DACH1: variants seen among roughly 807,000 people sequenced by gnomAD.
DACH1 encodes dachshund homolog 1.
In DACH1, 12 loss-of-function variants were observed where a neutral mutation model predicts 54.2. That is an observed-to-expected ratio of 0.22 (90% CI 0.14 to 0.36). DACH1 has a LOEUF of 0.36. DACH1 is among the 10% of genes least tolerant of loss of function. The pLI is 1.00. For missense variants in DACH1, 805 were observed against 929.8 expected, an observed-to-expected ratio of 0.87 and a Z score of 1.75; for synonymous variants, 386 against 366.2, an observed-to-expected ratio of 1.05 and a Z score of -0.62.
Position 71,740,005 on chromosome 13 carries a change from T to C in DACH1, c.849-58095A>G, listed in dbSNP as rs148979218. Reference sequence around the variant, plus strand: ...AATATAAACACAGGACTAAAATTGGTTTAAGAATTTCAAAACCATTCCTCA... The same window carrying C: ...AATATAAACACAGGACTAAAATTGGCTTAAGAATTTCAAAACCATTCCTCA... On this transcript the variant is annotated intron_variant, in intron 1 of 10. Transcript: ENST00000613252. Among the ~76,000 whole-genome samples the C allele has an allele frequency of 7.2e-5, 11 of 152,350 alleles. No individual in the cohort carries two copies. The East Asian group carries it at 1.5e-3, about 21-fold the overall frequency.
intron 1 of DACH1, among the ~76,000 whole-genome samples, chr13:71,805,183 C>A (rs1244937881): frequency 6.6e-6 from 1 of 152,052 alleles, no homozygotes; most frequent in Non-Finnish European, 1.5e-5. Context: ...GAGTCAATAA[C>A]CTTACAAAGG....
At chr13:71,554,520 A>G (rs1260959976) in intron 6 of DACH1, among the ~76,000 whole-genome samples, 1 of 152,154 alleles carries the variant, frequency 6.6e-6, no homozygotes, top group African/African-American at 2.4e-5. Context: ...CGTGGTCAGA[A>G]TGTTCTAATG....
At chr13:71,794,172 CAACTT>C (rs1886947748) in intron 1 of DACH1, among the ~76,000 whole-genome samples, 1 of 152,096 alleles carries the variant, frequency 6.6e-6, no homozygotes, top group South Asian at 2.1e-4. Context: ...TCCGTCAACT[CAACTT>C]AGAGATGAGA....
chr13:71,713,323 A>G (rs1348507878), intron 1 of DACH1, among the ~76,000 whole-genome samples: 3 of 152,130 alleles, frequency 2.0e-5, no homozygotes, highest in Non-Finnish European at 4.4e-5. Flanking sequence ...CTAGTAAAGA[A>G]TTTATTTCTA....
chr13:71,827,461 G>T (rs1249000520), intron 1 of DACH1, among the ~76,000 whole-genome samples: 1 of 152,070 alleles, frequency 6.6e-6, no homozygotes, highest in Admixed American at 6.6e-5. Flanking sequence ...GCATCTTTGG[G>T]TTGCACAGTA....
intron 6 of DACH1, among the ~76,000 whole-genome samples, chr13:71,540,995 G>A (rs892974739): frequency 6.6e-6 from 1 of 151,652 alleles, no homozygotes; most frequent in African/African-American, 2.4e-5. Flanking sequence ...TTTATTTTAT[G>A]TATTGTTAAA....
At chr13:71,491,812 G>T (rs1165029540) in intron 6 of DACH1, among the ~76,000 whole-genome samples, 2 of 152,052 alleles carry the variant, frequency 1.3e-5, no homozygotes, top group African/African-American at 2.4e-5. Flanking sequence ...TGGGACCATG[G>T]TTCCACCTTT....
At position 71,489,034 on chromosome 13, in the gene DACH1, C is replaced by T; in HGVS notation, c.1685G>A (p.Gly562Glu). ...CAGAAGAGTCTCGATGGAAGACAGT[C>T]CATCAGGAAACAGAAAAGGAGATGG... ...GFPSPFLFPD[G>E]LSSIETLLTN... Residue 562 changes from glycine (G) to glutamate (E), a missense_variant, in exon 7 of 11, where the codon GGA becomes GAA. Gly to Glu is a moderately conservative substitution (Grantham distance 98, BLOSUM62 -2). This residue lies in a region of DACH1 where 472 missense variants were observed against 545.3 expected (regional missense o/e 0.87). Coordinates refer to ENST00000613252, the MANE Select transcript of DACH1 (RefSeq NM_080759.6). 1 of 1,613,646 alleles carries T rather than the reference C, an allele frequency of 6.2e-7. No individual in the cohort carries two copies. The highest frequency in any genetic ancestry group is 2.2e-5 in the East Asian group (1 of 44,828).
chr13:71,446,119 TC>T (rs1566263687), intron 10 of DACH1, among the ~76,000 whole-genome samples: 1 of 152,164 alleles, frequency 6.6e-6, no homozygotes, highest in Non-Finnish European at 1.5e-5. Flanking sequence ...GCCTCATTAT[TC>T]GGAGGTGTGC....
At chr13:71,532,454 T>G (rs1882477929) in intron 6 of DACH1, among the ~76,000 whole-genome samples, 1 of 151,894 alleles carries the variant, frequency 6.6e-6, no homozygotes, top group Non-Finnish European at 1.5e-5. Flanking sequence ...CAAAAGGAAT[T>G]TAGAAAGGGC....
At chr13:71,671,757 AC>A (rs1880221208) in intron 2 of DACH1, among the ~76,000 whole-genome samples, 1 of 152,126 alleles carries the variant, frequency 6.6e-6, no homozygotes, top group Non-Finnish European at 1.5e-5. Context: ...GTGGCTAACA[AC>A]TTTTCATCCC....
At chr13:71,679,835 AT>A (rs1226669280) in intron 2 of DACH1, among the ~76,000 whole-genome samples, 6 of 151,002 alleles carry the variant, frequency 4.0e-5, no homozygotes, top group African/African-American at 1.5e-4. Context: ...TACAAAAAAA[AT>A]TCGGGCGTAG....
At chr13:71,655,393 A>G (rs1039658634) in intron 2 of DACH1, among the ~76,000 whole-genome samples, 2 of 148,352 alleles carry the variant, frequency 1.3e-5, no homozygotes, top group African/African-American at 5.0e-5. Flanking sequence ...TTTTTGAAAC[A>G]GAGTTTTACT....
chr13:71,836,926 G>C (rs1370547409), intron 1 of DACH1, among the ~76,000 whole-genome samples: 1 of 151,844 alleles, frequency 6.6e-6, no homozygotes, highest in Non-Finnish European at 1.5e-5. Flanking sequence ...AAAACACCTA[G>C]AAGAAATGCC....
intron 10 of DACH1, among the ~76,000 whole-genome samples, chr13:71,461,183 T>C (rs1437733111): frequency 2.0e-5 from 3 of 152,048 alleles, no homozygotes; most frequent in African/African-American, 7.2e-5. Context: ...TTTTTATCCT[T>C]TGCAATATTT....
intron 1 of DACH1, chr13:71,846,102 T>C (rs1594294230): frequency 5.8e-6 from 1 of 171,108 alleles, no homozygotes; most frequent in Non-Finnish European, 1.3e-5. Context: ...AAGAAGAAAC[T>C]GAATTGTATT....
intron 6 of DACH1, among the ~76,000 whole-genome samples, chr13:71,490,768 G>A (rs1240778554): frequency 6.6e-6 from 1 of 152,114 alleles, no homozygotes; most frequent in African/African-American, 2.4e-5. Context: ...TAATAGCTCT[G>A]GAAAGGCACT....
chr13:71,641,775 G>A (rs575031873), intron 2 of DACH1, among the ~76,000 whole-genome samples: 1 of 152,108 alleles, frequency 6.6e-6, no homozygotes, highest in Non-Finnish European at 1.5e-5. Context: ...AATTCTTTGA[G>A]TGTGACTTAG....
chr13:71,480,480 TA>T (rs1331363174), intron 7 of DACH1, among the ~76,000 whole-genome samples: 1 of 152,200 alleles, frequency 6.6e-6, no homozygotes, highest in Non-Finnish European at 1.5e-5. Flanking sequence ...GTTAAACATA[TA>T]AAAAGCATTC....
Sources: gnomAD v4.1 joint callset for allele counts (sites outside exome capture counted in the v4.1 genomes callset) on GRCh38, gnomAD v4.1.1 for gene constraint, gnomAD v4.1.1 regional missense constraint, MANE v1.5 for transcripts, NCBI Gene and HGNC (gene_info 2026-07-23, HGNC 2026-07-21) for gene names.